The following FANCA variants were observed in gnomAD, a reference collection of about 807,000 sequenced individuals.
FANCA encodes FA complementation group A.
Under a neutral mutation model 194.3 loss-of-function variants are expected in FANCA, and 236 were observed. The observed-to-expected ratio is 1.21, with a 90% CI of 1.09 to 1.35. The LOEUF (loss-of-function observed/expected upper bound fraction) is 1.35, where lower values mean the gene tolerates loss of function less well. FANCA is among the 40% of genes most tolerant of loss of function. FANCA has a pLI of 0.00. For missense variants in FANCA, 2,628 were observed against 1,813.9 expected, an observed-to-expected ratio of 1.45 and a Z score of -8.15; for synonymous variants, 1,014 against 715.8, an observed-to-expected ratio of 1.42 and a Z score of -6.65.
intron 14 of FANCA, among the ~76,000 whole-genome samples, chr16:89,786,395 C>G (rs968420388): frequency 1.1e-4 from 17 of 152,278 alleles, no homozygotes; most frequent in African/African-American, 4.1e-4. Flanking sequence ...GTTGGCCAGG[C>G]TACTCTTGAA....
At chr16:89,804,180 C>T (rs989700931) in intron 7 of FANCA, among the ~76,000 whole-genome samples, 2 of 152,126 alleles carry the variant, frequency 1.3e-5, no homozygotes, top group Non-Finnish European at 2.9e-5. Context: ...TCGCTCATGC[C>T]ACCAAAAAGC....
At chr16:89,758,514 C>T (rs928167537) in intron 30 of FANCA, 63 bp downstream of exon 30, 12 of 1,595,294 alleles carry the variant, frequency 7.5e-6, no homozygotes, top group Admixed American at 3.4e-5. Context: ...AGAAACTCCC[C>T]TTTATATATA....
chr16:89,743,424 G>C (rs1291843748), intron 36 of FANCA, among the ~76,000 whole-genome samples: 1 of 152,216 alleles, frequency 6.6e-6, no homozygotes, highest in Non-Finnish European at 1.5e-5. Context: ...CTTTAAATAA[G>C]CTGGGCATGA....
At chr16:89,759,236 T>C (rs966273886) in intron 29 of FANCA, among the ~76,000 whole-genome samples, 7 of 138,458 alleles carry the variant, frequency 5.1e-5, no homozygotes, top group East Asian at 4.3e-4. Context: ...AGGAGAATGG[T>C]ATGAACCTGG....
Position 89,792,038 on chromosome 16 carries a change from C to G in FANCA, c.1114G>C (p.Val372Leu). 1.9e-6 allele frequency: 3 copies of G among 1,614,184 alleles called. No homozygotes were observed. Among genetic ancestry groups the G allele is most frequent in the Non-Finnish European group, 2.5e-6 (3 of 1,180,022 alleles). ...TCCAGAACTTCTTGCAAATGGCCAACCAACTCCTCTGCACTCAGCATCACA... is the reference window on the plus strand; with the variant it reads ...TCCAGAACTTCTTGCAAATGGCCAAGCAACTCCTCTGCACTCAGCATCACA... ...LFVMLSAEEL[V>L]GHLQEVLETQ... is the part of the protein sequence containing the mutation. The change falls in exon 13 of 43, where the codon GTT becomes CTT. Residue 372 changes from valine (V) to leucine (L), a missense_variant. By Grantham distance (32) the Val-to-Leu change is conservative. Transcript: ENST00000389301.
chr16:89,752,814 G>A (rs557646260), intron 30 of FANCA, among the ~76,000 whole-genome samples: 26 of 152,302 alleles, frequency 1.7e-4, no homozygotes, highest in East Asian at 1.9e-4. Flanking sequence ...GTCACCAAGC[G>A]GATCGTGGTC....
chr16:89,753,751 C>A (rs548423802), intron 30 of FANCA, among the ~76,000 whole-genome samples: 1 of 152,144 alleles, frequency 6.6e-6, no homozygotes, highest in Non-Finnish European at 1.5e-5. Context: ...AGTGTCGCTG[C>A]CTCTACTCAA....
Position 89,737,653 on chromosome 16 carries a change from C to CT in FANCA, c.*947_*948insA, listed in dbSNP as rs2061982763. The CT allele has an allele frequency of 1.4e-6, 2 of 1,423,140 alleles. No individual in the cohort carries two copies. The highest frequency in any genetic ancestry group is 2.9e-5 in the South Asian group (2 of 69,732). The allele number at this position is 1,423,140 out of a possible 1,614,324, so 88.2% of individuals were successfully genotyped here. On this transcript the variant is annotated 3_prime_UTR_variant, in exon 43 of 43. Coordinates refer to ENST00000389301, the MANE Select transcript of FANCA (RefSeq NM_000135.4). ...AAAGCAGTTTAAAGATCTTAATAAA[C>CT]GAGGCCCTCATAGGCCCCTTGCTTG... is the stretch of plus-strand genomic sequence containing the variant.
At chr16:89,789,067 G>A (rs755415001) in intron 14 of FANCA, among the ~76,000 whole-genome samples, 1 of 152,098 alleles carries the variant, frequency 6.6e-6, no homozygotes, top group African/African-American at 2.4e-5. Context: ...AGAGCACCAG[G>A]TGGATTCTGG....
In FANCA at chr16:89,765,078, A is replaced by T. The variant is rs2039080846; in HGVS notation, c.2602-12T>A. On this transcript the variant is annotated splice_polypyrimidine_tract_variant and intron_variant, in intron 27 of 42. Transcript: ENST00000389301. ...ATGAGGAACTGAAACTGAAACAGAG[A>T]GTGACCCGGCCGTTTCTTCATTGCG... 6.2e-7 allele frequency: 1 copy of T among 1,613,750 alleles called. No homozygotes were observed. The highest frequency in any genetic ancestry group is 8.5e-7 in the Non-Finnish European group (1 of 1,179,720).
At chr16:89,776,557 G>C (rs902853782) in intron 20 of FANCA, among the ~76,000 whole-genome samples, 1 of 152,096 alleles carries the variant, frequency 6.6e-6, no homozygotes, top group African/African-American at 2.4e-5. Flanking sequence ...GCCAGGCGCG[G>C]TGGATCCCGC....
chr16:89,758,422 T>C (rs928813309), intron 30 of FANCA, among the ~76,000 whole-genome samples, 155 bp downstream of exon 30: 1 of 152,078 alleles, frequency 6.6e-6, no homozygotes, highest in Non-Finnish European at 1.5e-5. Flanking sequence ...TGTGAGGGTG[T>C]TGCCAAAGGA....
intron 2 of FANCA, among the ~76,000 whole-genome samples, chr16:89,814,990 T>C (rs1363826226): frequency 6.6e-6 from 1 of 152,166 alleles, no homozygotes; most frequent in Non-Finnish European, 1.5e-5. Context: ...ATTCAAGATC[T>C]GTGCATAAAC....
At chr16:89,782,951 AC>A in intron 16 of FANCA, 33 bp from the exon 17 acceptor site, 1 of 1,613,304 alleles carries the variant, frequency 6.2e-7, no homozygotes, top group Non-Finnish European at 8.5e-7. Flanking sequence ...GAACAAGAAA[AC>A]AAAGCAGTTT....
At chr16:89,781,131 G>A (rs376579226) in intron 17 of FANCA, among the ~76,000 whole-genome samples, 47 of 151,960 alleles carry the variant, frequency 3.1e-4, no homozygotes, top group African/African-American at 8.7e-4. Context: ...TTGAGAGACC[G>A]AGGCAGACGG....
rs751076878 is a variant in FANCA at position 89,815,987 on chromosome 16, C to T, written c.80-1G>A. Reference sequence around the variant, plus strand: ...TATTTTTCCCTCTTGACCCTTCCCGCTACGGAGAGAAGTCGGTTCGAAACC... The same window carrying T: ...TATTTTTCCCTCTTGACCCTTCCCGTTACGGAGAGAAGTCGGTTCGAAACC... On this transcript the variant is annotated splice_acceptor_variant, in intron 1 of 42. Transcript: ENST00000389301. LOFTEE classifies it high-confidence loss of function. The T allele has an allele frequency of 6.2e-7, 1 of 1,611,574 alleles. No individual in the cohort carries two copies. The highest frequency in any genetic ancestry group is 1.1e-5 in the South Asian group (1 of 91,032).
At chr16:89,798,863 G>A in intron 10 of FANCA, 4 of 1,542,774 alleles carry the variant, frequency 2.6e-6, no homozygotes, top group Non-Finnish European at 3.5e-6. Flanking sequence ...AGCAAGGGGA[G>A]ACTCCACACA....
intron 14 of FANCA, among the ~76,000 whole-genome samples, chr16:89,787,514 C>T (rs2039938063): frequency 6.6e-6 from 1 of 151,792 alleles, no homozygotes; most frequent in African/African-American, 2.4e-5. Flanking sequence ...GAGCGAACTC[C>T]ATCTTAAAAA....
intron 21 of FANCA, 111 bp downstream of exon 21, chr16:89,775,631 C>T (rs946067005): frequency 5.8e-6 from 5 of 857,516 alleles, no homozygotes; most frequent in Non-Finnish European, 9.6e-6. Flanking sequence ...CCGGCTTGAG[C>T]TGGCACAGCC....
Sources: gnomAD v4.1 joint callset for allele counts (sites outside exome capture counted in the v4.1 genomes callset) on GRCh38, gnomAD v4.1.1 for gene constraint, MANE v1.5 for transcripts, NCBI Gene and HGNC (gene_info 2026-07-23, HGNC 2026-07-21) for gene names.